The following CXCL8 variants were observed in gnomAD, a reference collection of about 807,000 sequenced individuals.
The protein encoded by CXCL8 is C-X-C motif chemokine ligand 8.
CXCL8 carries 12 observed loss-of-function variants against 10.9 expected under a neutral mutation model. The observed-to-expected ratio is 1.10, with a 90% confidence interval of 0.71 to 1.79. CXCL8 has a LOEUF of 1.79. Among genes scored for constraint, CXCL8 ranks in the 40% most tolerant of loss-of-function variants. The probability of loss-of-function intolerance (pLI) is 0.00; values close to 1 mark genes in which losing one functional copy is unlikely to be tolerated. For synonymous variants in CXCL8, 41 were observed against 39.6 expected, an observed-to-expected ratio of 1.03 and a Z score of -0.13; for missense variants, 145 against 113.4, an observed-to-expected ratio of 1.28 and a Z score of -1.26.
At chr4:73,742,292 C>T (rs1286471222) in intron 3 of CXCL8, 157 bp from the exon 4 acceptor site, 2 of 581,268 alleles carry the variant, frequency 3.4e-6, no homozygotes, top group Non-Finnish European at 6.1e-6. Flanking sequence ...CAGTAGTGTC[C>T]TATTTTAGAT....
chr4:73,743,661 A>C lies in CXCL8; in HGVS notation c.*1197A>C. 5.0e-6 allele frequency: 1 copy of C among 200,284 alleles called. No individual in the cohort carries two copies. The highest frequency in any genetic ancestry group is 8.4e-5 in the East Asian group (1 of 11,884). 12.4% of individuals were successfully genotyped at this position (200,284 alleles called of 1,614,324 possible). The stretch of plus-strand genomic sequence containing the variant: ...AATTTTTTTTACTGTTTCTGATTGT[A>C]TGGAAATATAAAAGTAAATATGAAA... On this transcript the variant is annotated 3_prime_UTR_variant, in exon 4 of 4. Coordinates refer to ENST00000307407, the MANE Select transcript of CXCL8 (RefSeq NM_000584.4).
At position 73,743,016 on chromosome 4, in the gene CXCL8, C is replaced by T. The variant is rs1359633727; in HGVS notation, c.*552C>T. ...ATTTCTAAGTGGAAAAAGTATTAGC[C>T]ACCATCTTACCTCACAGTGATGTTG... On this transcript the variant is annotated 3_prime_UTR_variant, in exon 4 of 4. Transcript: ENST00000307407. 1 of 230,372 alleles carries T rather than the reference C, an allele frequency of 4.3e-6. No homozygotes were observed. The highest frequency in any genetic ancestry group is 8.6e-6 in the Non-Finnish European group (1 of 116,394). 14.3% of individuals were successfully genotyped at this position (230,372 alleles called of 1,614,324 possible).
At chr4:73,740,786 G>A in intron 1 of CXCL8, 64 bp downstream of exon 1, 1 of 1,322,142 alleles carries the variant, frequency 7.6e-7, no homozygotes, top group Non-Finnish European at 1.1e-6. Context: ...AGATAGCAAA[G>A]CTATTCTTGA....
At chr4:73,741,887 A>G in intron 2 of CXCL8, 62 bp from the exon 3 acceptor site, 2 of 1,286,490 alleles carry the variant, frequency 1.6e-6, no homozygotes, top group Non-Finnish European at 2.3e-6. Context: ...GCCTGACTTA[A>G]GGAATCATGA....
At position 73,743,599 on chromosome 4, in the gene CXCL8, A is replaced by G. The variant is rs1012761615; in HGVS notation, c.*1135A>G. On this transcript the variant is annotated 3_prime_UTR_variant, in exon 4 of 4. Coordinates refer to ENST00000307407, the MANE Select transcript of CXCL8 (RefSeq NM_000584.4). ...ACTGCATTTTTAAATACAAGGCTTT[A>G]TATTTTTAACTTTAAGATGTTTTTA... 2 of 201,656 alleles carry G rather than the reference A, an allele frequency of 9.9e-6. No individual in the cohort carries two copies. Among genetic ancestry groups the G allele is most frequent in the East Asian group, 8.1e-5 (1 of 12,352 alleles). 12.5% of individuals were successfully genotyped at this position (201,656 alleles called of 1,614,324 possible).
intron 3 of CXCL8, 158 bp downstream of exon 3, chr4:73,742,190 A>G: frequency 3.4e-6 from 2 of 596,462 alleles, no homozygotes; most frequent in Non-Finnish European, 5.9e-6. Context: ...AGTTTGTTGT[A>G]CTCATGACCA....
At chr4:73,741,010 A>G (rs572700306) in intron 1 of CXCL8, among the ~76,000 whole-genome samples, 1 of 152,286 alleles carries the variant, frequency 6.6e-6, no homozygotes, top group Non-Finnish European at 1.5e-5. Context: ...ATTGAGAACC[A>G]CGGTTACCTA....
chr4:73,741,485 C>T (rs1729171071), intron 1 of CXCL8, 57 bp from the exon 2 acceptor site: 1 of 1,544,390 alleles, frequency 6.5e-7, no homozygotes, highest in African/African-American at 1.4e-5. Flanking sequence ...AAGGAAGTAG[C>T]TGGCAGAGCT....
chr4:73,741,879 C>A, intron 2 of CXCL8, 70 bp from the exon 3 acceptor site: 1 of 1,243,282 alleles, frequency 8.0e-7, no homozygotes, highest in Non-Finnish European at 1.2e-6. Context: ...GACTTTATGC[C>A]TGACTTAAGG....
chr4:73,743,456 G>A lies in CXCL8; in HGVS notation c.*992G>A, dbSNP rs1729235853. 4.9e-6 allele frequency: 1 copy of A among 203,100 alleles called. No homozygotes were observed. Among genetic ancestry groups the A allele is most frequent in the Non-Finnish European group, 1.0e-5 (1 of 99,214 alleles). The allele number at this position is 203,100 out of a possible 1,614,324, so 12.6% of individuals were successfully genotyped here. A position where few individuals can be genotyped will look rare whatever the true frequency, so the allele number is the denominator to read the frequency against. ...TGTTGGTAGTGCTGTGTTGAATTAC[G>A]GAATAATGAGTTAGAACTATTAAAA... On this transcript the variant is annotated 3_prime_UTR_variant, in exon 4 of 4. Coordinates refer to ENST00000307407, the MANE Select transcript of CXCL8 (RefSeq NM_000584.4).
Position 73,742,784 on chromosome 4 carries a change from G to A in CXCL8, c.*320G>A, listed in dbSNP as rs1469217305. 2 of 256,000 alleles carry A rather than the reference G, an allele frequency of 7.8e-6. No individual in the cohort carries two copies. Among genetic ancestry groups the A allele is most frequent in the East Asian group, 5.7e-5 (1 of 17,542 alleles). The allele number at this position is 256,000 out of a possible 1,614,324, so 15.9% of individuals were successfully genotyped here. ...GCAAAATTGAGGCCAAGGGCCAAGAGAATATCCGAACTTTAATTTCAGGAA... is the reference window on the plus strand; with the variant it reads ...GCAAAATTGAGGCCAAGGGCCAAGAAAATATCCGAACTTTAATTTCAGGAA... On this transcript the variant is annotated 3_prime_UTR_variant, in exon 4 of 4. Transcript: ENST00000307407.
rs1197584305 is a variant in CXCL8 at position 73,742,039 on chromosome 4, T to TA, written c.284+8dup. The TA allele has an allele frequency of 6.6e-7, 1 of 1,518,788 alleles. No homozygotes were observed. Among genetic ancestry groups the TA allele is most frequent in the Admixed American group, 1.9e-5 (1 of 52,972 alleles). The allele number at this position is 1,518,788 out of a possible 1,614,324, so 94.1% of individuals were successfully genotyped here. A position where few individuals can be genotyped will look rare whatever the true frequency, so the allele number is the denominator to read the frequency against. The stretch of plus-strand genomic sequence containing the variant: ...TGGAGAAGTTTTTGAAGAGGTAAGT[T>TA]ATATATTTTTTAATTTAAATTTTTC... On this transcript the variant is annotated splice_region_variant and intron_variant, in intron 3 of 3. Transcript: ENST00000307407.
intron 2 of CXCL8, 33 bp from the exon 3 acceptor site, chr4:73,741,916 A>G (rs200382511): frequency 4.1e-5 from 60 of 1,478,396 alleles, no homozygotes; most frequent in Non-Finnish European, 4.3e-5. Context: ...CAAAAACTAA[A>G]TATTAATCTG....
chr4:73,742,179 G>C, intron 3 of CXCL8, 147 bp downstream of exon 3: 2 of 602,080 alleles, frequency 3.3e-6, no homozygotes, highest in South Asian at 4.7e-5. Context: ...CATCAATAGT[G>C]AGTTTGTTGT....
At chr4:73,742,366 C>A in intron 3 of CXCL8, 83 bp from the exon 4 acceptor site, 1 of 676,038 alleles carries the variant, frequency 1.5e-6, no homozygotes, top group Non-Finnish European at 2.5e-6. Context: ...ACATGAATGT[C>A]AAAGACTATA....
Position 73,742,953 on chromosome 4 carries a change from C to T in CXCL8, c.*489C>T. The T allele has an allele frequency of 4.3e-6, 1 of 231,408 alleles. No homozygotes were observed. The highest frequency in any genetic ancestry group is 5.6e-5 in the Admixed American group (1 of 17,730). 14.3% of individuals were successfully genotyped at this position (231,408 alleles called of 1,614,324 possible). On this transcript the variant is annotated 3_prime_UTR_variant, in exon 4 of 4. Transcript: ENST00000307407. ...CAACCCTAGTCTGCTAGCCAGGATCCACAAGTCCTTGTTCCACTGTGCCTT... is the reference window on the plus strand; with the variant it reads ...CAACCCTAGTCTGCTAGCCAGGATCTACAAGTCCTTGTTCCACTGTGCCTT...
chr4:73,741,550 T>C lies in CXCL8; in HGVS notation c.73T>C (p.Leu25=), dbSNP rs150567416. 11 of 1,612,944 alleles carry C rather than the reference T, an allele frequency of 6.8e-6. No homozygotes were observed. The highest frequency in any genetic ancestry group is 8.5e-6 in the Non-Finnish European group (10 of 1,179,580). Residue 25 remains leucine (L), a synonymous_variant, in exon 2 of 4, where the codon TTG becomes CTG. Coordinates refer to ENST00000307407, the MANE Select transcript of CXCL8 (RefSeq NM_000584.4). ...ACTTTTTCCCCCAACAGGTGCAGTT[T>C]TGCCAAGGAGTGCTAAAGAACTTAG... is the stretch of plus-strand genomic sequence containing the variant. ...ISAALCEGAV[L]PRSAKELRCQ...
chr4:73,742,345 G>C (rs918858962), intron 3 of CXCL8, 104 bp from the exon 4 acceptor site: 1 of 618,354 alleles, frequency 1.6e-6, no homozygotes, highest in Non-Finnish European at 2.8e-6. Context: ...AGAATATAGA[G>C]CATTTCTAAC....
chr4:73,743,128 T>TA lies in CXCL8; in HGVS notation c.*665dup, dbSNP rs1428331669. ...CTTATTAACCTATTTATTATTTATG[T>TA]ATTTATTTAAGCATCAAATATTTGT... On this transcript the variant is annotated 3_prime_UTR_variant, in exon 4 of 4. Coordinates refer to ENST00000307407, the MANE Select transcript of CXCL8 (RefSeq NM_000584.4). 2 of 226,834 alleles carry TA rather than the reference T, an allele frequency of 8.8e-6. No individual in the cohort carries two copies. The highest frequency in any genetic ancestry group is 1.8e-5 in the Non-Finnish European group (2 of 114,266). The allele number at this position is 226,834 out of a possible 1,614,324, so 14.1% of individuals were successfully genotyped here.
Sources: allele counts gnomAD v4.1 joint callset (sites outside exome capture counted in the v4.1 genomes callset), GRCh38; gene constraint gnomAD v4.1.1; transcripts MANE v1.5; gene names NCBI Gene and HGNC (gene_info 2026-07-23, HGNC 2026-07-21).